The following SULT1C2 variants were observed in gnomAD, a reference collection of about 807,000 sequenced individuals.
SULT1C2 encodes the protein sulfotransferase 1C2.
In SULT1C2, 27 loss-of-function variants were observed where a neutral mutation model predicts 36.0. The observed-to-expected ratio is 0.75, with a 90% CI of 0.55 to 1.03. The LOEUF (loss-of-function observed/expected upper bound fraction) is 1.03. Among genes scored for constraint, SULT1C2 ranks in the 50% least tolerant of loss-of-function variants. SULT1C2 has a pLI of 0.00. For missense variants in SULT1C2, 395 were observed against 359.2 expected (o/e 1.10, Z -0.80); for synonymous variants, 121 against 116.0 (o/e 1.04, Z -0.27).
In SULT1C2 at chr2:108,294,282, G is replaced by GA. The variant is rs1558677038; in HGVS notation, c.206dup (p.Lys70GlufsTer15). 1 of 1,614,082 alleles carries GA rather than the reference G, an allele frequency of 6.2e-7. No homozygotes were observed. The highest frequency in any genetic ancestry group is 1.1e-5 in the South Asian group (1 of 91,066). On this transcript the variant is annotated frameshift_variant, in exon 3 of 8. Transcript: ENST00000251481. LOFTEE classifies it high-confidence loss of function. ...TATGATTGAACAGAATGGGGACGTGGAGAAGTGCCAGCGAGCCATCATCCA... is the reference window on the plus strand; with the variant it reads ...TATGATTGAACAGAATGGGGACGTGGAAGAAGTGCCAGCGAGCCATCATCCA...
chr2:108,293,665 A>C lies in SULT1C2; in HGVS notation c.-3A>C, dbSNP rs1226062691. On this transcript the variant is annotated 5_prime_UTR_variant, in exon 2 of 8. Coordinates refer to ENST00000251481, the MANE Select transcript of SULT1C2 (RefSeq NM_001056.4). ...CCCATAGGGACCCCAACCCTGAGACACTATGGCCCTGACCTCAGACCTGGG... is the reference window on the plus strand; with the variant it reads ...CCCATAGGGACCCCAACCCTGAGACCCTATGGCCCTGACCTCAGACCTGGG... The C allele has an allele frequency of 1.2e-6, 2 of 1,608,644 alleles. No individual in the cohort carries two copies. The highest frequency in any genetic ancestry group is 8.5e-7 in the Non-Finnish European group (1 of 1,177,598).
chr2:108,300,801 G>C lies in SULT1C2; in HGVS notation c.278-37G>C, dbSNP rs368912249. ...ATCATGAGGTCCCCATGTAGTGCTT[G>C]TACTACGCAGATGTTTCCTCTTGAG... On this transcript the variant is annotated intron_variant, in intron 3 of 7. Coordinates refer to ENST00000251481, the MANE Select transcript of SULT1C2 (RefSeq NM_001056.4). 5.3e-5 allele frequency: 86 copies of C among 1,613,846 alleles called. No homozygotes were observed. The African/African-American group carries it at 1.0e-3, about 20-fold the overall frequency.
intron 1 of SULT1C2, among the ~76,000 whole-genome samples, chr2:108,289,851 T>G (rs2104409154): frequency 6.6e-6 from 1 of 152,202 alleles, no homozygotes; most frequent in East Asian, 1.9e-4. Context: ...TGCATCTCCT[T>G]CTCCCAGCTT....
At chr2:108,292,999 C>T (rs1032733086) in intron 1 of SULT1C2, among the ~76,000 whole-genome samples, 3 of 151,900 alleles carry the variant, frequency 2.0e-5, no homozygotes, top group African/African-American at 4.8e-5. Context: ...GCCAACATGG[C>T]GAAACTCGGT....
Position 108,305,511 on chromosome 2 carries a change from A to G in SULT1C2, c.694A>G (p.Lys232Glu), listed in dbSNP as rs1677001196. 1.9e-6 allele frequency: 3 copies of G among 1,614,082 alleles called. No homozygotes were observed. Among genetic ancestry groups the G allele is most frequent in the Non-Finnish European group, 2.5e-6 (3 of 1,180,040 alleles). The stretch of plus-strand genomic sequence containing the variant: ...AATTGTCCAGGAGACGTCATTTGAG[A>G]AAATGAAAGAAAATCCCATGACAAA... ...DKIVQETSFEKMKENPMTNRS... is the reference protein window; with the variant it reads ...DKIVQETSFEEMKENPMTNRS... Residue 232 changes from lysine to glutamate, a missense_variant, in exon 7 of 8, where the codon AAA becomes GAA. By Grantham distance (56) the Lys-to-Glu change is moderately conservative. Coordinates refer to ENST00000251481, the MANE Select transcript of SULT1C2 (RefSeq NM_001056.4).
Position 108,293,652 on chromosome 2 carries a change from C to T in SULT1C2, c.-16C>T. Reference sequence around the variant, plus strand: ...CCTCTATTCTTTTCCCATAGGGACCCCAACCCTGAGACACTATGGCCCTGA... The same window carrying T: ...CCTCTATTCTTTTCCCATAGGGACCTCAACCCTGAGACACTATGGCCCTGA... On this transcript the variant is annotated 5_prime_UTR_variant, in exon 2 of 8. Transcript: ENST00000251481. 1 of 1,597,466 alleles carries T rather than the reference C, an allele frequency of 6.3e-7. No individual in the cohort carries two copies. The highest frequency in any genetic ancestry group is 8.5e-7 in the Non-Finnish European group (1 of 1,173,028).
At chr2:108,307,518 T>G (rs528525668) in intron 7 of SULT1C2, among the ~76,000 whole-genome samples, 1 of 152,364 alleles carries the variant, frequency 6.6e-6, no homozygotes, top group East Asian at 1.9e-4. Context: ...ATTATTGTTT[T>G]CAATGTTTGT....
chr2:108,302,654 G>C (rs1198773878), intron 4 of SULT1C2: 1 of 152,102 alleles, frequency 6.6e-6, no homozygotes, highest in Non-Finnish European at 1.5e-5. Context: ...CAGACCTCAA[G>C]AACTTCAGAC....
intron 4 of SULT1C2, chr2:108,303,507 C>A (rs967331830): frequency 6.6e-6 from 1 of 152,274 alleles, no homozygotes; most frequent in African/African-American, 2.4e-5. Context: ...TGGTATCTGA[C>A]CCTGGGGTGT....
chr2:108,295,280 A>G (rs1361713598), intron 3 of SULT1C2, among the ~76,000 whole-genome samples: 4 of 152,328 alleles, frequency 2.6e-5, no homozygotes, highest in African/African-American at 7.2e-5. Flanking sequence ...TGGCTTTCGA[A>G]GAAGAGAAAA....
chr2:108,291,980 C>T (rs1676604817), intron 1 of SULT1C2, among the ~76,000 whole-genome samples: 1 of 152,140 alleles, frequency 6.6e-6, no homozygotes, highest in African/African-American at 2.4e-5. Flanking sequence ...TTGTCTTCAT[C>T]TTAAAGGGCT....
chr2:108,294,777 TAC>T (rs149576778), intron 3 of SULT1C2, among the ~76,000 whole-genome samples: 33 of 147,920 alleles, frequency 2.2e-4, no homozygotes, highest in Non-Finnish European at 3.0e-4. Context: ...CACACACACA[TAC>T]ACACACACAC....
Position 108,304,619 on chromosome 2 carries a change from T to G in SULT1C2, c.421T>G (p.Tyr141Asp), listed in dbSNP as rs749880780. ...TGCCAAAGACTGTATGGTTTCCTAC[T>G]ACCATTTCCAAAGGATGAACCACAT... ...RNAKDCMVSYYHFQRMNHMLP... is the reference protein window; with the variant it reads ...RNAKDCMVSYDHFQRMNHMLP... Residue 141 changes from tyrosine to aspartate, a missense_variant, in exon 5 of 8, where the codon TAC becomes GAC. By Grantham distance (160) the Tyr-to-Asp change is radical. Coordinates refer to ENST00000251481, the MANE Select transcript of SULT1C2 (RefSeq NM_001056.4). 4.3e-6 allele frequency: 7 copies of G among 1,613,708 alleles called. No individual in the cohort carries two copies. The highest frequency in any genetic ancestry group is 1.3e-5 in the African/African-American group (1 of 74,904).
At chr2:108,290,592 T>C (rs1676567703) in intron 1 of SULT1C2, among the ~76,000 whole-genome samples, 1 of 152,200 alleles carries the variant, frequency 6.6e-6, no homozygotes, top group African/African-American at 2.4e-5. Flanking sequence ...TGCTGGCATC[T>C]GCTCAGCTTC....
intron 3 of SULT1C2, among the ~76,000 whole-genome samples, chr2:108,296,618 A>AT (rs1676736740): frequency 6.6e-6 from 1 of 151,988 alleles, no homozygotes; most frequent in Non-Finnish European, 1.5e-5. Context: ...CGCCCAGCAA[A>AT]TTTTTGGTAT....
intron 1 of SULT1C2, 69 bp from the exon 2 acceptor site, chr2:108,293,578 T>C (rs1676649232): frequency 3.5e-6 from 5 of 1,436,782 alleles, no homozygotes; most frequent in Non-Finnish European, 4.7e-6. Flanking sequence ...ATGGTTAAAA[T>C]GATCAATTTT....
At chr2:108,301,981 T>G (rs898389385) in intron 4 of SULT1C2, 1 of 152,278 alleles carries the variant, frequency 6.6e-6, no homozygotes, top group Admixed American at 6.5e-5. Flanking sequence ...GGACAAAAAC[T>G]TCCATTTCCA....
At chr2:108,304,505 G>T (rs993761411) in intron 4 of SULT1C2, 69 bp from the exon 5 acceptor site, 4 of 1,531,140 alleles carry the variant, frequency 2.6e-6, no homozygotes, top group African/African-American at 1.4e-5. Flanking sequence ...GGATGGCTCT[G>T]CCTAAGGGAA....
intron 3 of SULT1C2, among the ~76,000 whole-genome samples, chr2:108,298,211 C>T (rs1267663501): frequency 1.3e-5 from 2 of 152,222 alleles, no homozygotes; most frequent in Non-Finnish European, 2.9e-5. Flanking sequence ...CGTTTCTCTA[C>T]ATTGTGCTTC....
Sources: gnomAD v4.1 joint callset for allele counts (sites outside exome capture counted in the v4.1 genomes callset) on GRCh38, gnomAD v4.1.1 for gene constraint, MANE v1.5 for transcripts, NCBI Gene and HGNC (gene_info 2026-07-23, HGNC 2026-07-21) for gene names.